The following ADAMTS3 variants were observed in gnomAD, a reference collection of about 807,000 sequenced individuals.
ADAMTS3 encodes A disintegrin and metalloproteinase with thrombospondin motifs 3.
A neutral mutation model predicts 129.0 loss-of-function variants in ADAMTS3; 73 were observed. The ratio of observed to expected loss-of-function variants is 0.57; its 90% CI spans 0.47 to 0.69. ADAMTS3 has a LOEUF of 0.69. ADAMTS3 is among the 30% of genes least tolerant of loss of function. The pLI is 0.00. For synonymous variants in ADAMTS3, 477 were observed against 510.8 expected (o/e 0.93, Z 0.89); for missense variants, 1,457 against 1,514.5 (o/e 0.96, Z 0.63).
At chr4:72,467,176 T>C (rs184472792) in intron 3 of ADAMTS3, among the ~76,000 whole-genome samples, 8 of 152,192 alleles carry the variant, frequency 5.3e-5, no homozygotes, top group African/African-American at 1.7e-4. Flanking sequence ...CTTTGTCTCC[T>C]CTAGCTTTTT....
chr4:72,352,052 G>C (rs1372584479), intron 4 of ADAMTS3, among the ~76,000 whole-genome samples: 1 of 151,892 alleles, frequency 6.6e-6, no homozygotes, highest in Non-Finnish European at 1.5e-5. Context: ...GGCGATTCAT[G>C]GTACAGTAGG....
At chr4:72,543,780 G>A (rs1283447147) in intron 3 of ADAMTS3, among the ~76,000 whole-genome samples, 1 of 152,042 alleles carries the variant, frequency 6.6e-6, no homozygotes, top group African/African-American at 2.4e-5. Context: ...AAGAATTCTG[G>A]AGATGGATGG....
At chr4:72,416,075 C>T (rs917109070) in intron 3 of ADAMTS3, among the ~76,000 whole-genome samples, 1 of 149,394 alleles carries the variant, frequency 6.7e-6, no homozygotes, top group Non-Finnish European at 1.5e-5. Context: ...CTTACTCCTT[C>T]GAACTATGTT....
At chr4:72,384,429 T>C (rs1385708179) in intron 4 of ADAMTS3, among the ~76,000 whole-genome samples, 1 of 152,148 alleles carries the variant, frequency 6.6e-6, no homozygotes, top group African/African-American at 2.4e-5. Flanking sequence ...AAAAATAGCA[T>C]ACTATTTATG....
rs548480209 is a variant in ADAMTS3 at position 72,294,939 on chromosome 4, G to T, written c.2723+715C>A. 5.3e-5 allele frequency among the ~76,000 whole-genome samples: 8 copies of T among 152,110 alleles called. No homozygotes were observed. The South Asian group carries it at 1.7e-3, about 32-fold the overall frequency. ...AAGCTGGTAAAAAGTCCAAGCTGGA[G>T]CTGGAACACAGAGAACTCTCTGTTC... is the stretch of plus-strand genomic sequence containing the variant. On this transcript the variant is annotated intron_variant, in intron 19 of 21. Transcript: ENST00000286657.
chr4:72,543,448 A>T (rs1287616103), intron 3 of ADAMTS3, among the ~76,000 whole-genome samples: 1 of 152,174 alleles, frequency 6.6e-6, no homozygotes, highest in Non-Finnish European at 1.5e-5. Context: ...CAGTATCTAA[A>T]ATGTGGAAGC....
intron 3 of ADAMTS3, among the ~76,000 whole-genome samples, chr4:72,519,951 T>A (rs1449368416): frequency 6.6e-6 from 1 of 152,168 alleles, no homozygotes; most frequent in Non-Finnish European, 1.5e-5. Flanking sequence ...GCTCTGTTTT[T>A]TCCCCATCTT....
Position 72,558,382 on chromosome 4 carries a change from A to G in ADAMTS3, c.97+8992T>C, listed in dbSNP as rs1025785088. Among the ~76,000 whole-genome samples, 17 of 151,548 alleles carry G rather than the reference A, an allele frequency of 1.1e-4. 1 individual carries two copies. Among genetic ancestry groups the G allele is most frequent in the African/African-American group, 3.4e-4 (14 of 40,932 alleles). On this transcript the variant is annotated intron_variant, in intron 2 of 21. Transcript: ENST00000286657. ...CCTGGCTTATGGTCCCCCTTCCTCCATCCTCAGAACCAGCAACAGGGGACT... is the reference window on the plus strand; with the variant it reads ...CCTGGCTTATGGTCCCCCTTCCTCCGTCCTCAGAACCAGCAACAGGGGACT...
chr4:72,320,329 C>T (rs1203183995), intron 7 of ADAMTS3, among the ~76,000 whole-genome samples: 1 of 152,166 alleles, frequency 6.6e-6, no homozygotes, highest in East Asian at 1.9e-4. Flanking sequence ...TCTCCTTCTT[C>T]CAAAGTCCAC....
chr4:72,476,035 C>G (rs559045931), intron 3 of ADAMTS3, among the ~76,000 whole-genome samples: 1 of 151,794 alleles, frequency 6.6e-6, no homozygotes, highest in Admixed American at 6.6e-5. Context: ...AATCTCGAAT[C>G]AATAAGCTAA....
At chr4:72,540,400 T>A (rs1162194514) in intron 3 of ADAMTS3, among the ~76,000 whole-genome samples, 1 of 152,158 alleles carries the variant, frequency 6.6e-6, no homozygotes, top group Non-Finnish European at 1.5e-5. Context: ...TTTTATAAGG[T>A]AAGCAGAGCA....
chr4:72,414,622 A>G (rs1439771256), intron 4 of ADAMTS3, among the ~76,000 whole-genome samples, 193 bp downstream of exon 4: 2 of 152,016 alleles, frequency 1.3e-5, no homozygotes, highest in African/African-American at 2.4e-5. Flanking sequence ...ACTGGAATAA[A>G]TATCTGTAAC....
At position 72,567,417 on chromosome 4, in the gene ADAMTS3, A is replaced by G. The variant is rs1190296329; in HGVS notation, c.70-16T>C. ...CATTACCAGCCTGGAAAGGAGGGGG[A>G]AAGCAAGAAAAAGAAAGTTACTGGG... On this transcript the variant is annotated splice_polypyrimidine_tract_variant and intron_variant, in intron 1 of 21. Transcript: ENST00000286657. The G allele has an allele frequency of 6.2e-7, 1 of 1,612,658 alleles. No individual in the cohort carries two copies. The highest frequency in any genetic ancestry group is 1.3e-5 in the African/African-American group (1 of 74,898).
chr4:72,437,685 T>G (rs1717986122), intron 3 of ADAMTS3, among the ~76,000 whole-genome samples: 1 of 151,720 alleles, frequency 6.6e-6, no homozygotes, highest in Admixed American at 6.6e-5. Context: ...TAGAGGGTGA[T>G]GATAACAGAA....
chr4:72,373,495 A>G (rs1172652377), intron 4 of ADAMTS3, among the ~76,000 whole-genome samples: 8 of 152,254 alleles, frequency 5.3e-5, no homozygotes, highest in Non-Finnish European at 1.0e-4. Flanking sequence ...TAAATTTTAC[A>G]AAATAATTTG....
chr4:72,314,992 G>A (rs185551995), intron 11 of ADAMTS3, among the ~76,000 whole-genome samples: 5 of 152,206 alleles, frequency 3.3e-5, no homozygotes, highest in Admixed American at 2.0e-4. Flanking sequence ...TTGCCCTTAT[G>A]AGTAGCATAG....
Position 72,566,323 on chromosome 4 carries a change from A to G in ADAMTS3, c.97+1051T>C, listed in dbSNP as rs540680040. On this transcript the variant is annotated intron_variant, in intron 2 of 21. Coordinates refer to ENST00000286657, the MANE Select transcript of ADAMTS3 (RefSeq NM_014243.3). Reference sequence around the variant, plus strand: ...CAAGTGTGAATCTCCACTGTGTACTATAACAGGTAGCTATGCAACCTCTCA... The same window carrying G: ...CAAGTGTGAATCTCCACTGTGTACTGTAACAGGTAGCTATGCAACCTCTCA... Among the ~76,000 whole-genome samples, 40 of 152,324 alleles carry G rather than the reference A, an allele frequency of 2.6e-4. No individual in the cohort carries two copies. In the East Asian group the frequency reaches 6.0e-3, roughly 23 times the overall value.
intron 4 of ADAMTS3, among the ~76,000 whole-genome samples, chr4:72,352,286 A>C (rs190185819): frequency 1.6e-3 from 248 of 152,138 alleles, no homozygotes; most frequent in Non-Finnish European, 2.7e-3. Flanking sequence ...TTCAAATACC[A>C]AAAGGGAAAT....
At chr4:72,425,207 A>C (rs1722538997) in intron 3 of ADAMTS3, among the ~76,000 whole-genome samples, 1 of 152,164 alleles carries the variant, frequency 6.6e-6, no homozygotes, top group Admixed American at 6.6e-5. Flanking sequence ...TATTATTTGT[A>C]TTATTCTTAG....
Sources: gnomAD v4.1 joint callset for allele counts (sites outside exome capture counted in the v4.1 genomes callset) on GRCh38, gnomAD v4.1.1 for gene constraint, MANE v1.5 for transcripts, NCBI Gene and HGNC (gene_info 2026-07-23, HGNC 2026-07-21) for gene names.